TDRD1: variants seen among roughly 807,000 people sequenced by gnomAD.
The protein encoded by TDRD1 is tudor domain containing 1, also known as tudor domain-containing protein 1.
Under a neutral mutation model 140.6 loss-of-function variants are expected in TDRD1, and 37 were observed. The observed-to-expected ratio is 0.26, with a 90% CI of 0.20 to 0.35. The LOEUF (loss-of-function observed/expected upper bound fraction) is 0.35. Among genes scored for constraint, TDRD1 ranks in the 10% least tolerant of loss-of-function variants. TDRD1 has a pLI of 1.00. For missense variants in TDRD1, 1,243 were observed against 1,393.0 expected, an observed-to-expected ratio of 0.89 and a Z score of 1.71; for synonymous variants, 506 against 475.7, an observed-to-expected ratio of 1.06 and a Z score of -0.83.
chr10:114,203,987 A>C (rs1184076507), intron 8 of TDRD1, 86 bp from the exon 9 acceptor site: 4 of 1,494,194 alleles, frequency 2.7e-6, no homozygotes, highest in Non-Finnish European at 3.6e-6. Flanking sequence ...TTTCCTTTGC[A>C]CGTTCTATAG....
exon 7 of TDRD1, chr10:114,203,124 T>G: frequency 6.2e-7 from 1 of 1,613,932 alleles, no homozygotes; most frequent in Non-Finnish European, 8.5e-7. Context: ...GCTGAGAGAA[T>G]AATGTTTTCT....
chr10:114,210,612 T>C, exon 12 of TDRD1: 1 of 1,598,946 alleles, frequency 6.3e-7, no homozygotes, highest in South Asian at 1.1e-5. Context: ...AAATGACAAC[T>C]GAAAACAACA....
At chr10:114,205,000 A>G (rs2035008888) in intron 10 of TDRD1, 107 bp downstream of exon 10, 3 of 950,332 alleles carry the variant, frequency 3.2e-6, no homozygotes, top group Non-Finnish European at 4.5e-6. Context: ...TGCCCTCTGG[A>G]GTCATTCAGA....
At chr10:114,187,458 C>A (rs138235700) in intron 1 of TDRD1, among the ~76,000 whole-genome samples, 2 of 152,346 alleles carry the variant, frequency 1.3e-5, no homozygotes, top group Admixed American at 6.5e-5. Flanking sequence ...GATTTAAACA[C>A]ACCTCTTCCG....
At chr10:114,192,066 T>TA (rs398114787) in intron 3 of TDRD1, among the ~76,000 whole-genome samples, 1 of 151,876 alleles carries the variant, frequency 6.6e-6, no homozygotes, top group Non-Finnish European at 1.5e-5. Flanking sequence ...TTTTTTTTTT[T>TA]ACCGTTGTTT....
chr10:114,226,208 C>A lies in TDRD1; in HGVS notation c.3167C>A (p.Ser1056Ter). The change falls in exon 22 of 26, where the codon TCA becomes TAA. Residue 1056 changes from serine to a stop codon, truncating the protein, a stop_gained. Transcript: ENST00000251864. LOFTEE classifies it high-confidence loss of function. The stretch of plus-strand genomic sequence containing the variant: ...CTTCCTTTCCAAATTATTAGATGTT[C>A]ACTTGAAGGTAGACAGCTAAGTCAC... 6.2e-7 allele frequency: 1 copy of A among 1,611,948 alleles called. No homozygotes were observed. Among genetic ancestry groups the A allele is most frequent in the South Asian group, 1.1e-5 (1 of 90,534 alleles).
intron 19 of TDRD1, 81 bp downstream of exon 19, chr10:114,220,924 G>C (rs1422722336): frequency 1.0e-6 from 1 of 959,108 alleles, no homozygotes; most frequent in Non-Finnish European, 1.6e-6. Context: ...CATCATAAAT[G>C]ACAGTTTTCC....
intron 1 of TDRD1, chr10:114,180,113 C>T (rs1451245259): frequency 6.6e-6 from 1 of 152,158 alleles, no homozygotes. Flanking sequence ...ATACTTTAGT[C>T]CTCAAATTAT....
At chr10:114,223,877 C>G (rs969842016) in intron 21 of TDRD1, among the ~76,000 whole-genome samples, 1 of 152,234 alleles carries the variant, frequency 6.6e-6, no homozygotes, top group Non-Finnish European at 1.5e-5. Flanking sequence ...AGCCTTCAGT[C>G]TGCTCCTGTA....
exon 5 of TDRD1, chr10:114,201,479 C>A: frequency 6.2e-7 from 1 of 1,613,960 alleles, no homozygotes; most frequent in Non-Finnish European, 8.5e-7. Flanking sequence ...AGAGACTGGT[C>A]TGCACACAGC....
chr10:114,205,983 A>G (rs1361962708), intron 10 of TDRD1, among the ~76,000 whole-genome samples: 1 of 152,198 alleles, frequency 6.6e-6, no homozygotes, highest in African/African-American at 2.4e-5. Context: ...AAATATGTAC[A>G]CCTACTATGT....
intron 25 of TDRD1, chr10:114,228,706 C>G: frequency 5.1e-6 from 5 of 985,302 alleles, no homozygotes; most frequent in Non-Finnish European, 6.0e-6. Flanking sequence ...TTCCTCCCCA[C>G]CCCACCCCCA....
intron 1 of TDRD1, among the ~76,000 whole-genome samples, chr10:114,181,622 G>A (rs1266288560): frequency 1.3e-5 from 2 of 152,164 alleles, no homozygotes; most frequent in Non-Finnish European, 1.5e-5. Context: ...GGGAGGCTGA[G>A]GCGGGCGGAT....
rs184815026 is a variant in TDRD1, at chr10:114,206,864, C to T, written c.1384+534C>T. Reference sequence around the variant, plus strand: ...TCCTGACCTGAGAGTGATTCGCCCGCCTCAGCCTCCCAAAGTGCTGGGATT... The same window carrying T: ...TCCTGACCTGAGAGTGATTCGCCCGTCTCAGCCTCCCAAAGTGCTGGGATT... On this transcript the variant is annotated intron_variant, in intron 11 of 25. Transcript: ENST00000251864. Among the ~76,000 whole-genome samples the T allele has an allele frequency of 3.8e-3, 582 of 152,320 alleles. 3 individuals carry two copies. Among genetic ancestry groups the T allele is most frequent in the African/African-American group, 0.013 (542 of 41,574 alleles).
At chr10:114,198,280 A>C (rs1048027766) in intron 3 of TDRD1, among the ~76,000 whole-genome samples, 4 of 151,550 alleles carry the variant, frequency 2.6e-5, no homozygotes. Context: ...GAAAGTCTGG[A>C]CTCTCCACTA....
chr10:114,215,307 T>C (rs1331160888), intron 16 of TDRD1, among the ~76,000 whole-genome samples: 3 of 152,210 alleles, frequency 2.0e-5, no homozygotes, highest in African/African-American at 7.2e-5. Flanking sequence ...CTTTCTACCA[T>C]TGGACACTTG....
upstream of TDRD1, among the ~76,000 whole-genome samples, chr10:114,174,981 A>G (rs866320628): frequency 6.6e-6 from 1 of 152,148 alleles, no homozygotes; most frequent in Admixed American, 6.5e-5. Context: ...CACATATCTC[A>G]TGAATGAAAA....
At chr10:114,221,288 A>G in intron 19 of TDRD1, 69 bp from the exon 20 acceptor site, 3 of 1,405,622 alleles carry the variant, frequency 2.1e-6, no homozygotes, top group Non-Finnish European at 3.0e-6. Context: ...TGAATTAAAT[A>G]TGTTACTGAG....
chr10:114,204,980 C>T, intron 10 of TDRD1, 87 bp downstream of exon 10: 1 of 1,206,878 alleles, frequency 8.3e-7, no homozygotes, highest in Non-Finnish European at 1.1e-6. Flanking sequence ...TCAAGTGAGG[C>T]CAGGTAAACT....
Sources: allele counts gnomAD v4.1 joint callset (sites outside exome capture counted in the v4.1 genomes callset), GRCh38; gene constraint gnomAD v4.1.1; transcripts MANE v1.5; gene names NCBI Gene and HGNC (gene_info 2026-07-23, HGNC 2026-07-21).